The following UBE2W variants were observed in gnomAD, a reference collection of about 807,000 sequenced individuals.
UBE2W encodes ubiquitin conjugating enzyme E2 W.
In UBE2W, 18 loss-of-function variants were observed where a neutral mutation model predicts 27.2. That is an observed-to-expected ratio of 0.66 (90% CI 0.46 to 0.98). The LOEUF is 0.98. UBE2W is among the 50% of genes least tolerant of loss of function. The pLI is 0.00. For synonymous variants in UBE2W, 53 were observed against 57.2 expected, an observed-to-expected ratio of 0.93 and a Z score of 0.33; for missense variants, 90 against 180.2, an observed-to-expected ratio of 0.50 and a Z score of 2.87.
intron 3 of UBE2W, among the ~76,000 whole-genome samples, chr8:73,820,323 G>C (rs1809556107): frequency 6.6e-6 from 1 of 152,150 alleles, no homozygotes; most frequent in African/African-American, 2.4e-5. Context: ...TATAGATTAT[G>C]TATAAATACA....
chr8:73,788,719 A>G lies in UBE2W; in HGVS notation c.*5383T>C. 3 of 985,410 alleles carry G rather than the reference A, an allele frequency of 3.0e-6. No homozygotes were observed. The highest frequency in any genetic ancestry group is 4.7e-5 in the South Asian group (1 of 21,288). The allele number at this position is 985,410 out of a possible 1,614,324, so 61.0% of individuals were successfully genotyped here. A position where few individuals can be genotyped will look rare whatever the true frequency, so the allele number is the denominator to read the frequency against. ...TCATGCTTTTGCCTTTGAGAAAACAACTTAGAATTGTTGTAGGACCAATGA... is the reference window on the plus strand; with the variant it reads ...TCATGCTTTTGCCTTTGAGAAAACAGCTTAGAATTGTTGTAGGACCAATGA... On this transcript the variant is annotated 3_prime_UTR_variant, in exon 6 of 6. Coordinates refer to ENST00000602593, the MANE Select transcript of UBE2W (RefSeq NM_018299.6).
At chr8:73,869,467 G>A (rs187449460) in intron 1 of UBE2W, among the ~76,000 whole-genome samples, 1 of 152,262 alleles carries the variant, frequency 6.6e-6, no homozygotes, top group Non-Finnish European at 1.5e-5. Context: ...AAGACAGGTG[G>A]ATCTCTTGAG....
intron 1 of UBE2W, among the ~76,000 whole-genome samples, chr8:73,857,414 T>C (rs866995455): frequency 2.6e-5 from 4 of 151,244 alleles, no homozygotes; most frequent in Admixed American, 1.3e-4. Flanking sequence ...ATAGTTTCAA[T>C]GTATGTGTTC....
chr8:73,826,249 T>C (rs1809829614), intron 2 of UBE2W, among the ~76,000 whole-genome samples: 1 of 152,242 alleles, frequency 6.6e-6, no homozygotes, highest in Non-Finnish European at 1.5e-5. Flanking sequence ...ACAGTTTATA[T>C]ACTATTCTTG....
intron 1 of UBE2W, among the ~76,000 whole-genome samples, chr8:73,871,814 T>G (rs1263854217): frequency 6.6e-6 from 1 of 152,176 alleles, no homozygotes; most frequent in Admixed American, 6.5e-5. Flanking sequence ...TCCCTTTATT[T>G]TTTATTTTTA....
downstream of UBE2W, among the ~76,000 whole-genome samples, chr8:73,781,343 G>C (rs1169800632): frequency 6.6e-6 from 1 of 151,004 alleles, no homozygotes; most frequent in Non-Finnish European, 1.5e-5. Flanking sequence ...CATAAACTGA[G>C]TAAAATCATC....
downstream of UBE2W, among the ~76,000 whole-genome samples, chr8:73,783,359 T>C (rs920389582): frequency 1.3e-5 from 2 of 152,204 alleles, no homozygotes; most frequent in African/African-American, 4.8e-5. Flanking sequence ...GGTCTATGAT[T>C]CATTTTGGGC....
At chr8:73,810,667 C>G in intron 3 of UBE2W, 38 bp from the exon 4 acceptor site, 9 of 1,479,164 alleles carry the variant, frequency 6.1e-6, no homozygotes, top group Non-Finnish European at 8.1e-6. Context: ...CTCAAATATT[C>G]TCTACTACCA....
At chr8:73,830,849 T>C (rs1359458968) in intron 1 of UBE2W, among the ~76,000 whole-genome samples, 2 of 152,246 alleles carry the variant, frequency 1.3e-5, no homozygotes, top group African/African-American at 2.4e-5. Flanking sequence ...TTCTACAATC[T>C]GAAATCATTA....
At chr8:73,794,623 C>A (rs148872381) in intron 5 of UBE2W, among the ~76,000 whole-genome samples, 1 of 151,868 alleles carries the variant, frequency 6.6e-6, no homozygotes, top group South Asian at 2.1e-4. Context: ...GTTTTCAGGC[C>A]GGACACGGTG....
chr8:73,793,848 A>G lies in UBE2W; in HGVS notation c.*254T>C, dbSNP rs1029921990. On this transcript the variant is annotated 3_prime_UTR_variant, in exon 6 of 6. Coordinates refer to ENST00000602593, the MANE Select transcript of UBE2W (RefSeq NM_018299.6). Reference sequence around the variant, plus strand: ...AAAGCTTAAAAAAATAAAAATAAAAAATGGAATTATATTTGACATTTCCTG... The same window carrying G: ...AAAGCTTAAAAAAATAAAAATAAAAGATGGAATTATATTTGACATTTCCTG... 7.4e-6 allele frequency: 9 copies of G among 1,215,836 alleles called. No individual in the cohort carries two copies. Among genetic ancestry groups the G allele is most frequent in the Non-Finnish European group, 9.3e-6 (9 of 971,790 alleles). 75.3% of individuals were successfully genotyped at this position (1,215,836 alleles called of 1,614,324 possible).
chr8:73,836,263 C>T (rs1041536046), intron 1 of UBE2W, among the ~76,000 whole-genome samples: 3 of 152,156 alleles, frequency 2.0e-5, no homozygotes, highest in Non-Finnish European at 2.9e-5. Flanking sequence ...ATGCCAGCCC[C>T]CAGCCTTCTT....
intron 1 of UBE2W, among the ~76,000 whole-genome samples, chr8:73,850,350 A>G (rs997912352): frequency 4.6e-5 from 7 of 152,168 alleles, no homozygotes; most frequent in African/African-American, 1.7e-4. Flanking sequence ...AGTAAAACGG[A>G]ACAGACATGC....
Position 73,791,457 on chromosome 8 carries a change from C to T in UBE2W, c.*2645G>A. ...AAAGTCTAATTCTGTAGGCCTATGT[C>T]GCAAATAGTGCCCCACGAGGAAATG... is the stretch of plus-strand genomic sequence containing the variant. On this transcript the variant is annotated 3_prime_UTR_variant, in exon 6 of 6. Transcript: ENST00000602593. 3 of 985,158 alleles carry T rather than the reference C, an allele frequency of 3.0e-6. No individual in the cohort carries two copies. Among genetic ancestry groups the T allele is most frequent in the Non-Finnish European group, 3.6e-6 (3 of 829,808 alleles). 61.0% of individuals were successfully genotyped at this position (985,158 alleles called of 1,614,324 possible).
At chr8:73,842,996 A>C (rs1388329176) in intron 1 of UBE2W, among the ~76,000 whole-genome samples, 1 of 152,230 alleles carries the variant, frequency 6.6e-6, no homozygotes, top group Non-Finnish European at 1.5e-5. Flanking sequence ...TCGCCTTCAA[A>C]AAGAATGAAG....
At chr8:73,878,160 G>A (rs1426607842) in intron 1 of UBE2W, among the ~76,000 whole-genome samples, 4 of 152,078 alleles carry the variant, frequency 2.6e-5, no homozygotes, top group African/African-American at 9.7e-5. Flanking sequence ...GCTTCGAGAG[G>A]AAGGAGACAG....
chr8:73,800,284 A>C (rs889381866), intron 5 of UBE2W, among the ~76,000 whole-genome samples: 14 of 152,248 alleles, frequency 9.2e-5, no homozygotes, highest in South Asian at 2.1e-4. Context: ...CTTGATTGCT[A>C]TGAAACTCAC....
At chr8:73,805,472 C>CAAAAAAAAAAAAACAAACAAAAAAA in intron 5 of UBE2W, among the ~76,000 whole-genome samples, 179 bp downstream of exon 5, 1 of 43,676 alleles carries the variant, frequency 2.3e-5, no homozygotes, top group Non-Finnish European at 5.0e-5. Flanking sequence ...AAAAAAAAAA[C>CAAAAAAAAAAAAACAAACAAAAAAA]AAAAAAAACT....
At chr8:73,825,851 G>A (rs567273890) in intron 2 of UBE2W, among the ~76,000 whole-genome samples, 11 of 152,244 alleles carry the variant, frequency 7.2e-5, no homozygotes, top group African/African-American at 2.6e-4. Flanking sequence ...ACCAAAGCCT[G>A]TGCTCCTCCT....
Sources: gnomAD v4.1 joint callset for allele counts (sites outside exome capture counted in the v4.1 genomes callset) on GRCh38, gnomAD v4.1.1 for gene constraint, MANE v1.5 for transcripts, NCBI Gene and HGNC (gene_info 2026-07-23, HGNC 2026-07-21) for gene names.